The following CRPPA variants were observed in gnomAD, a reference collection of about 807,000 sequenced individuals.
CRPPA encodes D-ribitol-5-phosphate cytidylyltransferase.
A neutral mutation model predicts 52.0 loss-of-function variants in CRPPA; 43 were observed. The ratio of observed to expected loss-of-function variants is 0.83; its 90% CI spans 0.65 to 1.07. The LOEUF (loss-of-function observed/expected upper bound fraction) is 1.07. CRPPA is among the 50% of genes least tolerant of loss of function. CRPPA has a pLI of 0.00. For synonymous variants in CRPPA, 250 were observed against 203.5 expected (o/e 1.23, Z -1.94); for missense variants, 629 against 551.7 (o/e 1.14, Z -1.40).
intron 3 of CRPPA, among the ~76,000 whole-genome samples, chr7:16,345,208 G>C (rs1398630610): frequency 6.6e-6 from 1 of 152,150 alleles, no homozygotes; most frequent in East Asian, 1.9e-4. Context: ...GATGTTCAAA[G>C]AGCTAAAAGA....
Position 16,111,234 on chromosome 7 carries a change from T to C in CRPPA, c.1252-19435A>G, listed in dbSNP as rs555213884. Among the ~76,000 whole-genome samples, 3 of 152,178 alleles carry C rather than the reference T, an allele frequency of 2.0e-5. No individual in the cohort carries two copies. The South Asian group carries it at 6.2e-4, about 32-fold the overall frequency. ...AAATTTAACCTACAATAAGATATCA[T>C]CTCACACCTGTCAGAATGGCTACTA... On this transcript the variant is annotated intron_variant, in intron 9 of 9. Coordinates refer to ENST00000407010, the MANE Select transcript of CRPPA (RefSeq NM_001101426.4).
intron 6 of CRPPA, chr7:16,270,265 A>G (rs1347468137): frequency 6.6e-6 from 1 of 152,168 alleles, no homozygotes; most frequent in Non-Finnish European, 1.5e-5. Flanking sequence ...GACCATTTTT[A>G]CAGATTAACC....
chr7:16,187,940 T>A (rs1781537557), intron 9 of CRPPA, among the ~76,000 whole-genome samples: 1 of 151,914 alleles, frequency 6.6e-6, no homozygotes, highest in African/African-American at 2.4e-5. Flanking sequence ...GAAGTGCTAA[T>A]ACCCAGGAAG....
At chr7:16,116,266 G>C (rs894799555) in intron 9 of CRPPA, among the ~76,000 whole-genome samples, 1 of 152,162 alleles carries the variant, frequency 6.6e-6, no homozygotes, top group Admixed American at 6.5e-5. Context: ...TGGTATTCTT[G>C]CCTAAATGCA....
intron 8 of CRPPA, among the ~76,000 whole-genome samples, chr7:16,222,600 A>G (rs981366024): frequency 6.6e-6 from 1 of 152,128 alleles, no homozygotes; most frequent in African/African-American, 2.4e-5. Flanking sequence ...CTACTAAGAA[A>G]TTAATAATAC....
At chr7:16,322,687 G>C (rs954073995) in intron 3 of CRPPA, among the ~76,000 whole-genome samples, 2 of 152,094 alleles carry the variant, frequency 1.3e-5, no homozygotes, top group African/African-American at 4.8e-5. Flanking sequence ...ATTGGTATTT[G>C]CTTCCTATTC....
chr7:16,097,850 A>C (rs918839395), intron 9 of CRPPA, among the ~76,000 whole-genome samples: 2 of 152,290 alleles, frequency 1.3e-5, no homozygotes, highest in Non-Finnish European at 1.5e-5. Context: ...AATTTGAGCA[A>C]GGAAAGGCTG....
At chr7:16,384,569 T>G (rs150039432) in intron 2 of CRPPA, among the ~76,000 whole-genome samples, 10 of 152,268 alleles carry the variant, frequency 6.6e-5, no homozygotes, top group South Asian at 2.1e-4. Flanking sequence ...AGGTGAGATA[T>G]CAAAGGCAGA....
In CRPPA at chr7:16,345,698, C is replaced by T. The variant is rs537629680; in HGVS notation, c.684+30394G>A. On this transcript the variant is annotated intron_variant, in intron 3 of 9. Coordinates refer to ENST00000407010, the MANE Select transcript of CRPPA (RefSeq NM_001101426.4). ...GTAGGATATACAGACATACTGGAGG[C>T]TATACTTGACCCTCAAGCTGTTAGT... Among the ~76,000 whole-genome samples, 8 of 152,206 alleles carry T rather than the reference C, an allele frequency of 5.3e-5. No individual in the cohort carries two copies. In the East Asian group the frequency reaches 1.5e-3, roughly 29 times the overall value.
chr7:16,375,707 T>C (rs1055919047), intron 3 of CRPPA, among the ~76,000 whole-genome samples: 3 of 152,156 alleles, frequency 2.0e-5, no homozygotes, highest in African/African-American at 7.2e-5. Context: ...TCTGGAAATC[T>C]GGAATTTTTG....
intron 5 of CRPPA, among the ~76,000 whole-genome samples, chr7:16,300,923 C>A (rs544379686): frequency 7.9e-5 from 12 of 152,302 alleles, no homozygotes; most frequent in Non-Finnish European, 1.6e-4. Flanking sequence ...AGTTATCACA[C>A]ATATGATATC....
rs181964327 is a variant in CRPPA at position 16,298,401 on chromosome 7, C to T, written c.835+3020G>A. On this transcript the variant is annotated intron_variant, in intron 5 of 9. Coordinates refer to ENST00000407010, the MANE Select transcript of CRPPA (RefSeq NM_001101426.4). ...AAGGCAGAGACTTGTGGTTAACATTCTCTTTCCCAAGTCAGCATTTGCTTT... is the reference window on the plus strand; with the variant it reads ...AAGGCAGAGACTTGTGGTTAACATTTTCTTTCCCAAGTCAGCATTTGCTTT... Among the ~76,000 whole-genome samples, 107 of 152,298 alleles carry T rather than the reference C, an allele frequency of 7.0e-4. 1 individual carries two copies. In the South Asian group the frequency reaches 0.014, roughly 21 times the overall value.
intron 4 of CRPPA, 25 bp downstream of exon 4, chr7:16,308,498 C>A (rs1228518027): frequency 7.6e-7 from 1 of 1,310,470 alleles, no homozygotes; most frequent in Middle Eastern, 1.8e-4. Flanking sequence ...AGAAAAGAAC[C>A]CAAGCAAGGT....
At chr7:16,262,647 A>G (rs1295147) in intron 6 of CRPPA, among the ~76,000 whole-genome samples, 120,246 of 152,190 alleles carry the variant, frequency 0.79, 48,269 homozygotes, top group African/African-American at 0.94. Flanking sequence ...GACACTGATA[A>G]TTTTCTCTGT....
chr7:16,308,698 C>T (rs1000014711), intron 3 of CRPPA, 71 bp from the exon 4 acceptor site: 10 of 909,144 alleles, frequency 1.1e-5, no homozygotes, highest in East Asian at 1.0e-4. Flanking sequence ...CCTTTTATTT[C>T]ATAATCCATT....
intron 9 of CRPPA, among the ~76,000 whole-genome samples, chr7:16,110,449 A>T (rs1237172498): frequency 6.6e-6 from 1 of 152,074 alleles, no homozygotes. Flanking sequence ...ACTGCAAAAA[A>T]CCTTGAATAG....
chr7:16,278,427 T>C (rs952977035), intron 5 of CRPPA, among the ~76,000 whole-genome samples: 1 of 152,184 alleles, frequency 6.6e-6, no homozygotes, highest in East Asian at 1.9e-4. Context: ...AACCTATCCA[T>C]TGAACACTTT....
intron 9 of CRPPA, among the ~76,000 whole-genome samples, chr7:16,094,714 C>T (rs774632916): frequency 6.6e-6 from 1 of 152,006 alleles, no homozygotes; most frequent in African/African-American, 2.4e-5. Flanking sequence ...AGTATACATT[C>T]TTGAAATTAT....
intron 3 of CRPPA, among the ~76,000 whole-genome samples, chr7:16,363,503 A>G (rs1424092723): frequency 6.6e-6 from 1 of 152,222 alleles, no homozygotes; most frequent in Non-Finnish European, 1.5e-5. Flanking sequence ...TGATAGCTAC[A>G]TGTAGGAAAA....
Sources: gnomAD v4.1 joint callset for allele counts (sites outside exome capture counted in the v4.1 genomes callset) on GRCh38, gnomAD v4.1.1 for gene constraint, MANE v1.5 for transcripts, NCBI Gene and HGNC (gene_info 2026-07-23, HGNC 2026-07-21) for gene names.